Variants in DMKN observed in about 807,000 individuals in gnomAD.
The protein encoded by DMKN is epidermis-specific secreted protein SK30/SK89.
A neutral mutation model predicts 67.6 loss-of-function variants in DMKN; 58 were observed. The observed-to-expected ratio is 0.86, with a 90% CI of 0.69 to 1.07. The LOEUF is 1.07. Among genes scored for constraint, DMKN ranks in the 50% least tolerant of loss-of-function variants. The probability of loss-of-function intolerance (pLI) is 0.00; values close to 1 mark genes in which losing one functional copy is unlikely to be tolerated. For missense variants in DMKN, 596 were observed against 601.5 expected (o/e 0.99, Z 0.10); for synonymous variants, 240 against 232.3 (o/e 1.03, Z -0.30).
At chr19:35,503,279 G>A (rs1041804921) in intron 9 of DMKN, 107 of 1,495,290 alleles carry the variant, frequency 7.2e-5, no homozygotes, top group African/African-American at 1.4e-4. Context: ...CAGCGGAGAC[G>A]TAAGAAAGGA....
chr19:35,512,505 G>A (rs767042326), intron 2 of DMKN, 28 bp from the exon 3 acceptor site: 8 of 1,614,054 alleles, frequency 5.0e-6, no homozygotes, highest in Non-Finnish European at 5.9e-6. Flanking sequence ...CTGAGAGTAG[G>A]ATCCAGAGGG....
intron 7 of DMKN, among the ~76,000 whole-genome samples, chr19:35,509,163 G>C (rs955129267): frequency 5.3e-5 from 8 of 152,168 alleles, no homozygotes; most frequent in African/African-American, 1.9e-4. Flanking sequence ...GGAGTTTCCA[G>C]TGAGCTCAGA....
rs201671697 is a variant in DMKN at position 35,511,623 on chromosome 19, A to C, written c.736-30T>G. ...GGGGCAGGAAGGGAGCAGGGCTGGG[A>C]TTAAAGACAGAGCACCAAGACGGGC... is the stretch of plus-strand genomic sequence containing the variant. On this transcript the variant is annotated intron_variant, in intron 4 of 15. Coordinates refer to ENST00000339686, the MANE Select transcript of DMKN (RefSeq NM_033317.5). 3.2e-5 allele frequency: 52 copies of C among 1,607,342 alleles called. 1 individual carries two copies. The East Asian group carries it at 1.2e-3, about 36-fold the overall frequency.
At chr19:35,499,221 A>G in intron 13 of DMKN, 1 of 410,780 alleles carries the variant, frequency 2.4e-6, no homozygotes, top group Non-Finnish European at 4.5e-6. Flanking sequence ...TGGAAGCCAC[A>G]GATAACTCAG....
chr19:35,507,949 G>A, intron 7 of DMKN: 1 of 494,154 alleles, frequency 2.0e-6, no homozygotes, highest in East Asian at 3.4e-5. Flanking sequence ...GCTAGCTGGA[G>A]AGCCAGTGGG....
intron 7 of DMKN, chr19:35,507,253 T>C (rs2069737949): frequency 2.0e-6 from 1 of 508,156 alleles, no homozygotes; most frequent in South Asian, 3.2e-5. Flanking sequence ...ATGGCTCCGA[T>C]CCAAATCAAA....
rs1374276525 is a variant in DMKN, at chr19:35,509,911, C to G, written c.1038G>C (p.Gln346His). The G allele has an allele frequency of 3.1e-6, 5 of 1,614,128 alleles. No homozygotes were observed. Among genetic ancestry groups the G allele is most frequent in the Non-Finnish European group, 4.2e-6 (5 of 1,180,040 alleles). The stretch of plus-strand genomic sequence containing the variant: ...AGACTTAAGAGACTTTGGCTCTCAC[C>G]TGAATCCCAGATTCCCCGCTCCCGC... ...EARGSGESGI[Q>H]NSETSPGMFN... The change falls in exon 7 of 16, where the codon CAG becomes CAC. Residue 346 changes from glutamine to histidine, a missense_variant and splice_region_variant. Gln to His is a conservative substitution (Grantham distance 24). Transcript: ENST00000339686.
At chr19:35,507,829 T>A in intron 7 of DMKN, 1 of 438,312 alleles carries the variant, frequency 2.3e-6, no homozygotes, top group Non-Finnish European at 4.1e-6. Flanking sequence ...CAGCAAAGCA[T>A]CCGAATTCTC....
intron 11 of DMKN, among the ~76,000 whole-genome samples, chr19:35,501,311 C>A (rs1244885364): frequency 6.6e-6 from 1 of 152,226 alleles, no homozygotes. Context: ...CAAGCCCTAA[C>A]CCTGAGGTCA....
At chr19:35,501,412 T>G (rs937637844) in intron 11 of DMKN, among the ~76,000 whole-genome samples, 1 of 152,224 alleles carries the variant, frequency 6.6e-6, no homozygotes, top group Non-Finnish European at 1.5e-5. Context: ...ATCCTGGTTC[T>G]TCGTGAAACA....
At chr19:35,499,915 T>C in intron 13 of DMKN, 43 bp downstream of exon 13, 1 of 1,606,266 alleles carries the variant, frequency 6.2e-7, no homozygotes, top group Non-Finnish European at 8.5e-7. Context: ...CCATCCCTCA[T>C]GCAGAGCCCC....
chr19:35,507,566 C>T, intron 7 of DMKN: 10 of 1,485,022 alleles, frequency 6.7e-6, no homozygotes, highest in South Asian at 1.2e-5. Context: ...GGCAGGGGGA[C>T]GAGAGGGCAA....
At chr19:35,508,328 T>C in intron 7 of DMKN, 2 of 1,484,724 alleles carry the variant, frequency 1.3e-6, no homozygotes, top group Non-Finnish European at 1.8e-6. Context: ...ATATGATTCC[T>C]CTAAGAATCC....
chr19:35,509,791 ATAG>A, intron 7 of DMKN, 117 bp downstream of exon 7: 2 of 1,203,908 alleles, frequency 1.7e-6, no homozygotes, highest in Non-Finnish European at 2.4e-6. Context: ...TTCTGCCGAA[ATAG>A]TCAGTTCCCT....
Position 35,502,194 on chromosome 19 carries a change from A to G in DMKN, c.1192-11T>C, listed in dbSNP as rs779826895. On this transcript the variant is annotated splice_polypyrimidine_tract_variant and intron_variant, in intron 10 of 15. Coordinates refer to ENST00000339686, the MANE Select transcript of DMKN (RefSeq NM_033317.5). ...GTTCTGTTTGAAATCCTGCAGGGAG[A>G]AGGAGGGCAGAGTGGGCCGGGGAGG... 8 of 1,613,836 alleles carry G rather than the reference A, an allele frequency of 5.0e-6. No individual in the cohort carries two copies. In the East Asian group the frequency reaches 1.6e-4, roughly 31 times the overall value.
chr19:35,498,506 G>C (rs2067820085), intron 15 of DMKN: 1 of 662,728 alleles, frequency 1.5e-6, no homozygotes. Flanking sequence ...ACTGCACCCA[G>C]CCCTAGATCA....
At chr19:35,506,374 T>C (rs1390419874) in intron 7 of DMKN, 1 of 640,810 alleles carries the variant, frequency 1.6e-6, no homozygotes, top group African/African-American at 1.8e-5. Flanking sequence ...TTAGAATGGA[T>C]TGCTCCCATG....
chr19:35,509,654 A>G, intron 7 of DMKN: 1 of 469,128 alleles, frequency 2.1e-6, no homozygotes, highest in East Asian at 3.4e-5. Flanking sequence ...GTGCTTCTAA[A>G]AGGACCGGTT....
chr19:35,511,816 G>A lies in DMKN; in HGVS notation c.685-3C>T. 6.2e-7 allele frequency: 1 copy of A among 1,612,370 alleles called. No homozygotes were observed. Among genetic ancestry groups the A allele is most frequent in the East Asian group, 2.2e-5 (1 of 44,810 alleles). On this transcript the variant is annotated splice_polypyrimidine_tract_variant and splice_region_variant and intron_variant, in intron 3 of 15. Transcript: ENST00000339686. ...CCAGATGGTGGGGGATTCGTGCACT[G>A]TCGAGGGAAAGGGATGGTGAGTTTG...
Sources: gnomAD v4.1 joint callset for allele counts (sites outside exome capture counted in the v4.1 genomes callset) on GRCh38, gnomAD v4.1.1 for gene constraint, MANE v1.5 for transcripts, NCBI Gene and HGNC (gene_info 2026-07-23, HGNC 2026-07-21) for gene names.